Variants in CEP128 observed in about 807,000 individuals in gnomAD.
The protein encoded by CEP128 is centrosomal protein 128kDa.
A neutral mutation model predicts 156.7 loss-of-function variants in CEP128; 132 were observed. The ratio of observed to expected loss-of-function variants is 0.84; its 90% CI spans 0.73 to 0.97. The LOEUF is 0.97. CEP128 is among the 50% of genes least tolerant of loss of function. The probability of loss-of-function intolerance (pLI) is 0.00; values close to 1 mark genes in which losing one functional copy is unlikely to be tolerated. For missense variants in CEP128, 1,252 were observed against 1,281.9 expected (o/e 0.98, Z 0.36); for synonymous variants, 469 against 448.9 (o/e 1.04, Z -0.57).
chr14:80,665,463 G>A (rs897494128), intron 19 of CEP128, among the ~76,000 whole-genome samples: 4 of 152,150 alleles, frequency 2.6e-5, no homozygotes, highest in Admixed American at 1.3e-4. Context: ...TTATTGTCAG[G>A]CACTTTGGCT....
At chr14:80,729,056 GGGGTGTGTGTGTGTGTGT>G (rs1402648076) in intron 19 of CEP128, among the ~76,000 whole-genome samples, 1,511 of 88,208 alleles carry the variant, frequency 0.017, 97 homozygotes, top group African/African-American at 0.045. Context: ...TGGGCTGGTG[GGGGTGTGTGTGTGTGTGT>G]GTGTGTGTGT....
At chr14:80,951,867 T>C (rs1886473001) in intron 2 of CEP128, among the ~76,000 whole-genome samples, 2 of 151,820 alleles carry the variant, frequency 1.3e-5, no homozygotes, top group Admixed American at 6.6e-5. Context: ...AACAGAAAAG[T>C]AGATTGAAGA....
chr14:80,613,181 T>C (rs761691668), intron 19 of CEP128, among the ~76,000 whole-genome samples: 2 of 151,314 alleles, frequency 1.3e-5, no homozygotes, highest in Admixed American at 6.6e-5. Context: ...AGTTTAGAAA[T>C]AAAAGTACTT....
At chr14:80,685,585 T>TAA (rs927587358) in intron 19 of CEP128, among the ~76,000 whole-genome samples, 1 of 151,894 alleles carries the variant, frequency 6.6e-6, no homozygotes, top group African/African-American at 2.4e-5. Flanking sequence ...TTCACATAAC[T>TAA]AAAAAAATTA....
intron 19 of CEP128, among the ~76,000 whole-genome samples, chr14:80,623,421 G>A (rs955365952): frequency 3.3e-5 from 5 of 151,164 alleles, no homozygotes; most frequent in African/African-American, 1.2e-4. Flanking sequence ...TAACTAACCT[G>A]CACATTGTGC....
Position 80,906,045 on chromosome 14 carries a change from G to T in CEP128, c.271C>A (p.Arg91=). 1 of 1,608,206 alleles carries T rather than the reference G, an allele frequency of 6.2e-7. No homozygotes were observed. The highest frequency in any genetic ancestry group is 2.2e-5 in the East Asian group (1 of 44,664). ...ESLEQSIDQL[R]SQRLLRNSGG... is the part of the protein sequence containing the mutation. ...GAGTTTCTCAATAAACGTTGACTCC[G>T]GAGTTGGTCGATTGATTGTTCCAAG... Residue 91 remains arginine (R), a synonymous_variant, in exon 5 of 25, where the codon CGG becomes AGG. Transcript: ENST00000555265.
chr14:80,652,737 G>A (rs576967048), intron 19 of CEP128, among the ~76,000 whole-genome samples: 1 of 152,278 alleles, frequency 6.6e-6, no homozygotes, highest in South Asian at 2.1e-4. Flanking sequence ...TTACAATGTT[G>A]GTGGGAGTGT....
intron 23 of CEP128, among the ~76,000 whole-genome samples, chr14:80,506,894 C>T (rs944217258): frequency 2.0e-5 from 3 of 151,996 alleles, no homozygotes; most frequent in East Asian, 1.9e-4. Context: ...TTGAAGTGTA[C>T]TCCCCAGTGT....
chr14:80,770,992 C>A (rs1466646992), intron 16 of CEP128, among the ~76,000 whole-genome samples: 1 of 152,140 alleles, frequency 6.6e-6, no homozygotes, highest in Non-Finnish European at 1.5e-5. Context: ...ATAGAACAGA[C>A]ATCTGAAAAT....
chr14:80,673,794 CTCTT>C (rs1195835682), intron 19 of CEP128, among the ~76,000 whole-genome samples: 2 of 151,032 alleles, frequency 1.3e-5, no homozygotes, highest in South Asian at 2.1e-4. Context: ...TTCTCTCTCT[CTCTT>C]TTTTTTTTAG....
intron 23 of CEP128, among the ~76,000 whole-genome samples, chr14:80,521,813 C>T (rs974182026): frequency 1.3e-5 from 2 of 152,164 alleles, no homozygotes; most frequent in African/African-American, 4.8e-5. Flanking sequence ...TGCTTGCCTT[C>T]AAAAGCCCAT....
intron 19 of CEP128, among the ~76,000 whole-genome samples, chr14:80,615,285 G>C (rs1339129034): frequency 1.3e-5 from 2 of 152,138 alleles, no homozygotes; most frequent in South Asian, 4.1e-4. Flanking sequence ...TAGAGAGCTT[G>C]GCATTAATAT....
At chr14:80,741,724 T>C (rs1898841407) in intron 19 of CEP128, among the ~76,000 whole-genome samples, 1 of 152,174 alleles carries the variant, frequency 6.6e-6, no homozygotes, top group African/African-American at 2.4e-5. Flanking sequence ...TTTGTTCTAC[T>C]TAATAGGTAA....
intron 2 of CEP128, chr14:80,955,955 T>C: frequency 1.5e-6 from 2 of 1,376,488 alleles, no homozygotes; most frequent in South Asian, 2.4e-5. Flanking sequence ...AAGTAGTGTG[T>C]GAGTGTGTGT....
chr14:80,821,934 C>CATCTGACATGGTG (rs1566651129), intron 13 of CEP128, among the ~76,000 whole-genome samples: 2 of 151,758 alleles, frequency 1.3e-5, no homozygotes, highest in African/African-American at 2.4e-5. Context: ...GTGACAGGCA[C>CATCTGACATGGTG]GCAGACAAGA....
intron 24 of CEP128, among the ~76,000 whole-genome samples, chr14:80,501,262 CGAG>C (rs1417372639): frequency 6.6e-6 from 1 of 151,942 alleles, no homozygotes; most frequent in Non-Finnish European, 1.5e-5. Flanking sequence ...GTTCCTGGAG[CGAG>C]GAGTAGAAAG....
chr14:80,729,803 AC>A (rs1898195934), intron 19 of CEP128, among the ~76,000 whole-genome samples: 1 of 152,188 alleles, frequency 6.6e-6, no homozygotes, highest in African/African-American at 2.4e-5. Flanking sequence ...AATTACATTT[AC>A]TTCTCCTTTC....
intron 19 of CEP128, among the ~76,000 whole-genome samples, chr14:80,621,126 A>G (rs1893460608): frequency 6.6e-6 from 1 of 152,210 alleles, no homozygotes; most frequent in Non-Finnish European, 1.5e-5. Flanking sequence ...TGAGTGGCGC[A>G]TATATGACCT....
chr14:80,536,901 G>A (rs1889508674), intron 21 of CEP128, among the ~76,000 whole-genome samples: 1 of 151,058 alleles, frequency 6.6e-6, no homozygotes, highest in African/African-American at 2.5e-5. Flanking sequence ...GTTTACATGT[G>A]TATTGGGGTA....
Sources: gnomAD v4.1 joint callset for allele counts (sites outside exome capture counted in the v4.1 genomes callset) on GRCh38, gnomAD v4.1.1 for gene constraint, MANE v1.5 for transcripts, NCBI Gene and HGNC (gene_info 2026-07-23, HGNC 2026-07-21) for gene names.